Variants in ADGRG1 observed in about 807,000 individuals in gnomAD.
The protein encoded by ADGRG1 is 7-transmembrane protein with no EGF-like N-terminal domains-1.
Under a neutral mutation model 73.5 loss-of-function variants are expected in ADGRG1, and 53 were observed. The ratio of observed to expected loss-of-function variants is 0.72; its 90% CI spans 0.58 to 0.91. The LOEUF (loss-of-function observed/expected upper bound fraction) is 0.91. Ranked by LOEUF, ADGRG1 falls within the 40% of genes least tolerant of loss-of-function variation. ADGRG1 has a pLI of 0.00. For missense variants in ADGRG1, 795 were observed against 871.8 expected, an observed-to-expected ratio of 0.91 and a Z score of 1.11; for synonymous variants, 394 against 374.4, an observed-to-expected ratio of 1.05 and a Z score of -0.60.
In ADGRG1 at chr16:57,660,857, G is replaced by A. The variant is rs576827937; in HGVS notation, c.1645G>A (p.Gly549Ser). 3.1e-6 allele frequency: 5 copies of A among 1,598,034 alleles called. No homozygotes were observed. The highest frequency in any genetic ancestry group is 1.7e-5 in the Admixed American group (1 of 59,978). ...CTTGGCTGTGCATAGGACTCCAGAG[G>A]GCGTCATCTACCCTTCCATGTGAGT... ...IILAVHRTPE[G>S]VIYPSMCWIR... Residue 549 changes from glycine (G) to serine (S), a missense_variant, in exon 12 of 14, where the codon GGC (glycine) becomes AGC (serine). Physicochemically the swap from Gly to Ser is moderately conservative, Grantham distance 56. Transcript: ENST00000562631.
chr16:57,639,268 C>G, intron 1 of ADGRG1: 2 of 985,508 alleles, frequency 2.0e-6, no homozygotes, highest in South Asian at 9.4e-5. Flanking sequence ...AGCTCCCTGT[C>G]TGGCCTGGGC....
rs369114425 is a variant in ADGRG1, at chr16:57,659,617, C to G, written c.1491C>G (p.Leu497=). 6.2e-7 allele frequency: 1 copy of G among 1,613,208 alleles called. No homozygotes were observed. The highest frequency in any genetic ancestry group is 2.2e-5 in the East Asian group (1 of 44,868). ...MGLEGYNLYR[L]VVEVFGTYVP... is the part of the protein sequence containing the mutation. Reference sequence around the variant, plus strand: ...TCGAGGGGTACAACCTCTACCGACTCGTGGTGGAGGTCTTTGGCACCTATG... The same window carrying G: ...TCGAGGGGTACAACCTCTACCGACTGGTGGTGGAGGTCTTTGGCACCTATG... Residue 497 remains leucine, a synonymous_variant, in exon 11 of 14, where the codon CTC becomes CTG. Transcript: ENST00000562631.
At chr16:57,662,115 C>G (rs2047251065) in intron 13 of ADGRG1, 150 bp downstream of exon 13, 2 of 738,368 alleles carry the variant, frequency 2.7e-6, no homozygotes, top group Non-Finnish European at 4.9e-6. Context: ...CCACAGTCAA[C>G]AAGTCTTGAT....
chr16:57,644,525 TCACACACATGCGCAGG>T (rs1248401288), intron 1 of ADGRG1, among the ~76,000 whole-genome samples: 1 of 123,698 alleles, frequency 8.1e-6, no homozygotes, highest in Non-Finnish European at 1.6e-5. Flanking sequence ...CACACACTCA[TCACACACATGCGCAGG>T]CACACACATG....
intron 1 of ADGRG1, chr16:57,634,526 A>C: frequency 1.1e-6 from 1 of 943,054 alleles, no homozygotes; most frequent in Non-Finnish European, 1.3e-6. Context: ...TAAGACTTGA[A>C]ACTTTATCCA....
chr16:57,648,897 C>A (rs575668690), intron 1 of ADGRG1, among the ~76,000 whole-genome samples: 21 of 152,332 alleles, frequency 1.4e-4, no homozygotes, highest in African/African-American at 5.1e-4. Flanking sequence ...AAGCCCCTGG[C>A]CTCGGGAGCA....
At chr16:57,634,061 C>T (rs1032923788) in intron 1 of ADGRG1, 229 of 984,886 alleles carry the variant, frequency 2.3e-4, no homozygotes, top group Non-Finnish European at 2.7e-4. Context: ...AGGCCATGGC[C>T]CTAGCCCTGG....
At chr16:57,632,425 A>G (rs1238852792) in intron 1 of ADGRG1, 2 of 660,554 alleles carry the variant, frequency 3.0e-6, no homozygotes, top group Non-Finnish European at 3.7e-6. Context: ...GGCTATTATG[A>G]GCATGAAGAG....
intron 1 of ADGRG1, chr16:57,636,094 T>C (rs1229638384): frequency 4.1e-6 from 4 of 985,238 alleles, no homozygotes; most frequent in African/African-American, 1.7e-5. Flanking sequence ...GGAGAGCCCA[T>C]GGGGAGCCCA....
chr16:57,632,985 C>T, intron 1 of ADGRG1: 1 of 979,968 alleles, frequency 1.0e-6, no homozygotes, highest in Non-Finnish European at 1.2e-6. Context: ...GCCGCCTCTG[C>T]CACCTCCCAG....
At chr16:57,627,056 A>G, upstream of ADGRG1, 2 of 984,168 alleles carry the variant, frequency 2.0e-6, no homozygotes, top group Non-Finnish European at 2.4e-6. Flanking sequence ...GGGGACTGTG[A>G]ATGTGGGAAG....
chr16:57,659,764 C>T lies in ADGRG1; in HGVS notation c.1555+83C>T, dbSNP rs139796426. 1.0e-5 allele frequency: 15 copies of T among 1,447,266 alleles called. No homozygotes were observed. In the East Asian group the frequency reaches 3.2e-4, roughly 31 times the overall value. 89.7% of individuals were successfully genotyped at this position (1,447,266 alleles called of 1,614,324 possible). On this transcript the variant is annotated intron_variant, in intron 11 of 13. Transcript: ENST00000562631. ...ACCCAGGCACCTGGTTCTGCCTCTC[C>T]ACCTATCTCTCTGACTTCCCTCCTG...
chr16:57,651,108 G>A (rs567990153), intron 2 of ADGRG1, 92 bp from the exon 3 acceptor site: 3 of 1,604,064 alleles, frequency 1.9e-6, no homozygotes, highest in South Asian at 2.2e-5. Flanking sequence ...TCAGGCTCCA[G>A]GTTCACATGT....
chr16:57,622,832 C>A (rs961115653), upstream of ADGRG1: 1 of 985,290 alleles, frequency 1.0e-6, no homozygotes, highest in Middle Eastern at 5.2e-4. Context: ...GCCTTCCCCG[C>A]TGGGGAGGTC....
At chr16:57,655,285 G>A (rs113428085) in intron 5 of ADGRG1, 114 bp from the exon 6 acceptor site, 3 of 1,575,610 alleles carry the variant, frequency 1.9e-6, no homozygotes, top group Non-Finnish European at 8.6e-7. Context: ...CTGAAGAAAT[G>A]GGCTTAGAAG....
Position 57,651,206 on chromosome 16 carries a change from A to C in ADGRG1, c.71A>C (p.His24Pro), listed in dbSNP as rs771722143. 6.2e-7 allele frequency: 1 copy of C among 1,613,890 alleles called. No individual in the cohort carries two copies. Among genetic ancestry groups the C allele is most frequent in the Admixed American group, 1.7e-5 (1 of 60,014 alleles). The change falls in exon 3 of 14, where the codon CAC becomes CCC. Residue 24 changes from histidine (H) to proline (P), a missense_variant. By Grantham distance (77) the His-to-Pro change is moderately conservative (BLOSUM62 -2). Transcript: ENST00000562631. The stretch of plus-strand genomic sequence containing the variant: ...GCAGCCTCTGCCTCCTCAGGTGCCC[A>C]CGGCAGGGGCCACAGGGAAGACTTT... ...LSLLFLVQGA[H>P]GRGHREDFRF...
chr16:57,633,749 C>G (rs2038625175), intron 1 of ADGRG1, among the ~76,000 whole-genome samples: 1 of 152,168 alleles, frequency 6.6e-6, no homozygotes, highest in South Asian at 2.1e-4. Context: ...TGTAATTGCC[C>G]CTTCTGGGCC....
intron 1 of ADGRG1, chr16:57,635,109 C>G: frequency 1.0e-6 from 1 of 985,302 alleles, no homozygotes; most frequent in South Asian, 4.7e-5. Context: ...GGACACCCAC[C>G]TCCTGAATCT....
At chr16:57,652,383 C>T (rs528692119) in intron 3 of ADGRG1, among the ~76,000 whole-genome samples, 1 of 152,236 alleles carries the variant, frequency 6.6e-6, no homozygotes, top group African/African-American at 2.4e-5. Flanking sequence ...GGGGGCACAG[C>T]ACTTTGATTG....
Sources: gnomAD v4.1 joint callset for allele counts (sites outside exome capture counted in the v4.1 genomes callset) on GRCh38, gnomAD v4.1.1 for gene constraint, MANE v1.5 for transcripts, NCBI Gene and HGNC (gene_info 2026-07-23, HGNC 2026-07-21) for gene names.